Variants in ARHGEF15 observed in about 807,000 individuals in gnomAD.
ARHGEF15 encodes the protein Rho guanine nucleotide exchange factor 15.
ARHGEF15 carries 58 observed loss-of-function variants against 79.7 expected under a neutral mutation model. The observed-to-expected ratio is 0.73, with a 90% CI of 0.59 to 0.91. The LOEUF (loss-of-function observed/expected upper bound fraction) is 0.91, where lower values mean the gene tolerates loss of function less well. Ranked by LOEUF, ARHGEF15 falls within the 40% of genes least tolerant of loss-of-function variation. ARHGEF15 has a pLI of 0.00. For missense variants in ARHGEF15, 1,012 were observed against 1,108.1 expected, an observed-to-expected ratio of 0.91 and a Z score of 1.23; for synonymous variants, 442 against 456.0, an observed-to-expected ratio of 0.97 and a Z score of 0.39.
At position 8,320,932 on chromosome 17, in the gene ARHGEF15, A is replaced by G. The variant is rs1489946639; in HGVS notation, c.2465A>G (p.Asn822Ser). Residue 822 changes from asparagine (N) to serine (S), a missense_variant, in exon 16 of 16, where the codon AAC becomes AGC. This residue lies in a region of ARHGEF15 where 132 missense variants were observed against 124.2 expected (regional missense o/e 1.06). Transcript: ENST00000361926. ...EHERRRHLRQ[N>S]QRLLEAVGSS... is the part of the protein sequence containing the mutation. ...GAAAGGAGGAGGCACCTTCGCCAGA[A>G]CCAGAGGCTTCTCGAGGCTGTTGGA... The G allele has an allele frequency of 6.2e-7, 1 of 1,613,874 alleles. No homozygotes were observed. The highest frequency in any genetic ancestry group is 8.5e-7 in the Non-Finnish European group (1 of 1,179,898).
At position 8,315,330 on chromosome 17, in the gene ARHGEF15, G is replaced by A. The variant is rs1904940982; in HGVS notation, c.1260+53G>A. 1.2e-6 allele frequency: 2 copies of A among 1,610,992 alleles called. No individual in the cohort carries two copies. Among genetic ancestry groups the A allele is most frequent in the African/African-American group, 1.3e-5 (1 of 74,854 alleles). Reference sequence around the variant, plus strand: ...GGGGGTGCTGGGGTTGGGCTGCATGGGTCAGGCATAGGGGAGGAGGGCCCA... The same window carrying A: ...GGGGGTGCTGGGGTTGGGCTGCATGAGTCAGGCATAGGGGAGGAGGGCCCA... On this transcript the variant is annotated intron_variant, in intron 6 of 15. Transcript: ENST00000361926. This position sits in a 1 kb window ranked among gnomAD's most constrained non-coding sequence, Gnocchi z 4.3.
In ARHGEF15 at chr17:8,316,661, G is replaced by A. The variant is rs1905044598; in HGVS notation, c.1704+513G>A. On this transcript the variant is annotated intron_variant, in intron 9 of 15. Coordinates refer to ENST00000361926, the MANE Select transcript of ARHGEF15 (RefSeq NM_173728.4). ...GCATAAACAGAGTTCCAGTAGATCT[G>A]TAGAATTAAACTTTCATGGTGAGGG... 2.0e-5 allele frequency among the ~76,000 whole-genome samples: 3 copies of A among 152,338 alleles called. No individual in the cohort carries two copies. The South Asian group carries it at 6.2e-4, about 32-fold the overall frequency.
At chr17:8,312,677 A>G in intron 2 of ARHGEF15, 37 bp downstream of exon 2, 1 of 1,610,746 alleles carries the variant, frequency 6.2e-7, no homozygotes, top group Non-Finnish European at 8.5e-7. Flanking sequence ...GGTGACCTCA[A>G]TCCACCCATC....
In ARHGEF15 at chr17:8,315,216, C is replaced by T. The variant is rs2151639101; in HGVS notation, c.1199C>T (p.Pro400Leu). Residue 400 changes from proline (P) to leucine (L), a missense_variant, in exon 6 of 16, where the codon CCG (proline) becomes CTG (leucine). By Grantham distance (98) the Pro-to-Leu change is moderately conservative. Transcript: ENST00000361926. This position sits in a 1 kb window ranked among gnomAD's most constrained non-coding sequence, Gnocchi z 4.3. ...CGCAACACCCTGTGGCAGGAGCTTC[C>T]GGCTGTGCAAGCCAGCGGTCTTCTG... The part of the protein sequence containing the change: ...GPRNTLWQEL[P>L]AVQASGLLDT... The T allele has an allele frequency of 2.5e-6, 4 of 1,613,706 alleles. No homozygotes were observed. Among genetic ancestry groups the T allele is most frequent in the Non-Finnish European group, 3.4e-6 (4 of 1,179,920 alleles).
Position 8,318,182 on chromosome 17 carries a change from T to G in ARHGEF15, c.1705-205T>G. On this transcript the variant is annotated intron_variant, in intron 9 of 15. Coordinates refer to ENST00000361926, the MANE Select transcript of ARHGEF15 (RefSeq NM_173728.4). This position sits in a 1 kb window ranked among gnomAD's most constrained non-coding sequence, Gnocchi z 5.0. ...AAAACAATGCTATTGATATGCTAGG[T>G]GGGTATTAGCCCCATTTTACAGATA... is the stretch of plus-strand genomic sequence containing the variant. 1.7e-6 allele frequency: 1 copy of G among 575,852 alleles called. No homozygotes were observed. The allele number at this position is 575,852 out of a possible 1,614,324, so 35.7% of individuals were successfully genotyped here.
At position 8,314,917 on chromosome 17, in the gene ARHGEF15, G is replaced by A; in HGVS notation, c.1001G>A (p.Gly334Glu). ...TTCTTTCTCCACAGGGAAGAGGAGG[G>A]GCTAGAGGTGCTGAAGGAGCAGAAT... ...PATVEGREEE[G>E]LEVLKEQNWE... Residue 334 changes from glycine to glutamate, a missense_variant, in exon 5 of 16, where the codon GGG becomes GAG. Transcript: ENST00000361926. 1 of 1,614,008 alleles carries A rather than the reference G, an allele frequency of 6.2e-7. No individual in the cohort carries two copies. Among genetic ancestry groups the A allele is most frequent in the South Asian group, 1.1e-5 (1 of 91,060 alleles).
In ARHGEF15 at chr17:8,316,085, C is replaced by G. The variant is rs1012657671; in HGVS notation, c.1641C>G (p.Leu547=). Residue 547 remains leucine, a synonymous_variant, in exon 9 of 16, where the codon CTC becomes CTG. Transcript: ENST00000361926. ...AGAGCCTCCCTAAGTGTGAGCGGCT[C>G]CCGCTGCCGTCCTTCCTGCTACTGC... ...RLQSLPKCER[L]PLPSFLLLPF... is the part of the protein sequence containing the mutation. The G allele has an allele frequency of 2.5e-6, 4 of 1,603,028 alleles. No homozygotes were observed. The African/African-American group carries it at 4.0e-5, about 16-fold the overall frequency.
chr17:8,314,777 TTTGGGGAG>T, intron 4 of ARHGEF15, 121 bp from the exon 5 acceptor site: 1 of 997,570 alleles, frequency 1.0e-6, no homozygotes, highest in South Asian at 2.0e-5. Context: ...TGAGGTTTGA[TTTGGGGAG>T]CCGTCAGGGT....
rs779578965 is a variant in ARHGEF15 at position 8,318,940 on chromosome 17, C to T, written c.2033+30C>T. ...GTCCTAGGGAAGGAAGGAGCCCAGG[C>T]TGGAGTGGGCAGGAGGGGTCCAGCG... On this transcript the variant is annotated intron_variant, in intron 12 of 15. Coordinates refer to ENST00000361926, the MANE Select transcript of ARHGEF15 (RefSeq NM_173728.4). The surrounding 1 kb of genome is among the most constrained non-coding windows in gnomAD (Gnocchi z 5.0). 21 of 1,609,348 alleles carry T rather than the reference C, an allele frequency of 1.3e-5. No individual in the cohort carries two copies. The Admixed American group carries it at 1.7e-4, about 13-fold the overall frequency.
rs1192457980 is a variant in ARHGEF15, at chr17:8,315,179, C to G, written c.1162C>G (p.Pro388Ala). The change falls in exon 6 of 16, where the codon CCC becomes GCC. Residue 388 changes from proline to alanine, a missense_variant. Transcript: ENST00000361926. The surrounding 1 kb of genome is among the most constrained non-coding windows in gnomAD (Gnocchi z 4.3). ...TGGAGATGCACCCACCTTCCCACGACCCCCTGGACCTCGCAACACCCTGTG... is the reference window on the plus strand; with the variant it reads ...TGGAGATGCACCCACCTTCCCACGAGCCCCTGGACCTCGCAACACCCTGTG... ...NAGDAPTFPR[P>A]PGPRNTLWQE... 1.2e-6 allele frequency: 2 copies of G among 1,614,008 alleles called. No homozygotes were observed. Among genetic ancestry groups the G allele is most frequent in the South Asian group, 2.2e-5 (2 of 91,084 alleles).
rs1017920128 is a variant in ARHGEF15 at position 8,321,945 on chromosome 17, C to G, written c.*952C>G. ...TCCTGAGGCCCCTGAAGTCTGCAGACCCTTCTCCTTGCCCCAAACACTGGC... is the reference window on the plus strand; with the variant it reads ...TCCTGAGGCCCCTGAAGTCTGCAGAGCCTTCTCCTTGCCCCAAACACTGGC... On this transcript the variant is annotated 3_prime_UTR_variant, in exon 16 of 16. Transcript: ENST00000361926. The G allele has an allele frequency of 2.6e-5, 4 of 152,736 alleles. No homozygotes were observed. Among genetic ancestry groups the G allele is most frequent in the Non-Finnish European group, 4.4e-5 (3 of 68,156 alleles). 9.5% of individuals were successfully genotyped at this position (152,736 alleles called of 1,614,324 possible).
chr17:8,314,912 G>T lies in ARHGEF15; in HGVS notation c.996G>T (p.Glu332Asp), dbSNP rs1306064623. 6.2e-7 allele frequency: 1 copy of T among 1,614,042 alleles called. No homozygotes were observed. Among genetic ancestry groups the T allele is most frequent in the African/African-American group, 1.3e-5 (1 of 75,038 alleles). The stretch of plus-strand genomic sequence containing the variant: ...TCCCTTTCTTTCTCCACAGGGAAGA[G>T]GAGGGGCTAGAGGTGCTGAAGGAGC... ...TPPATVEGREEEGLEVLKEQN... is the reference protein window; with the variant it reads ...TPPATVEGREDEGLEVLKEQN... The change falls in exon 5 of 16, where the codon GAG becomes GAT. Residue 332 changes from glutamate to aspartate, a missense_variant. By Grantham distance (45) the Glu-to-Asp change is conservative. Around this residue, in one of 3 missense-constraint regions of ARHGEF15, gnomAD observed 818 missense variants for 882.5 expected, o/e 0.93. Coordinates refer to ENST00000361926, the MANE Select transcript of ARHGEF15 (RefSeq NM_173728.4).
At chr17:8,314,755 A>C in intron 4 of ARHGEF15, 151 bp from the exon 5 acceptor site, 1 of 785,338 alleles carries the variant, frequency 1.3e-6, no homozygotes, top group Non-Finnish European at 1.9e-6. Flanking sequence ...AAAAAAAAAA[A>C]AAAAAAAAGC....
In ARHGEF15 at chr17:8,311,163, G is replaced by T. The variant is rs1567672966; in HGVS notation, c.-50+820G>T. On this transcript the variant is annotated intron_variant, in intron 1 of 15. Transcript: ENST00000361926. ...TGCTGACCCCTGAAGGGAGTTTGGG[G>T]GTTCCTCTGCTTCCCAGCCCTGACC... is the stretch of plus-strand genomic sequence containing the variant. Among the ~76,000 whole-genome samples, 3 of 152,048 alleles carry T rather than the reference G, an allele frequency of 2.0e-5. No homozygotes were observed. In the South Asian group the frequency reaches 6.2e-4, roughly 31 times the overall value.
At chr17:8,316,748 A>G (rs1037541291) in intron 9 of ARHGEF15, among the ~76,000 whole-genome samples, 11 of 152,234 alleles carry the variant, frequency 7.2e-5, no homozygotes, top group Middle Eastern at 6.8e-3. Context: ...GGGAAAAAAA[A>G]GTTTGAGATT....
chr17:8,313,418 C>T (rs1597461832), intron 3 of ARHGEF15, 83 bp from the exon 4 acceptor site: 13 of 1,541,448 alleles, frequency 8.4e-6, no homozygotes, highest in East Asian at 4.5e-5. Context: ...TTATAGTAAC[C>T]ATCCCTGCTG....
Position 8,318,344 on chromosome 17 carries a change from C to A in ARHGEF15, c.1705-43C>A. 1 of 1,585,424 alleles carries A rather than the reference C, an allele frequency of 6.3e-7. No homozygotes were observed. The highest frequency in any genetic ancestry group is 8.6e-7 in the Non-Finnish European group (1 of 1,161,284). ...GCTGTGGCCCCTCTGAATCCCAGGG[C>A]CACAGAGCAGGGGGCCCAGTCACCC... On this transcript the variant is annotated intron_variant, in intron 9 of 15. Transcript: ENST00000361926. This position sits in a 1 kb window ranked among gnomAD's most constrained non-coding sequence, Gnocchi z 5.0.
chr17:8,319,719 T>C, intron 15 of ARHGEF15, 116 bp downstream of exon 15: 1 of 778,262 alleles, frequency 1.3e-6, no homozygotes, highest in Admixed American at 3.8e-5. Flanking sequence ...CACTGCAACC[T>C]CTGCCTCCTG....
At position 8,312,422 on chromosome 17, in the gene ARHGEF15, G is replaced by C. The variant is rs1337811894; in HGVS notation, c.383G>C (p.Cys128Ser). ...CCACCCAAGCCGTCTGGGTCACCCTGCACGCCTCTGCTCCCCATGGCTGGA... is the reference window on the plus strand; with the variant it reads ...CCACCCAAGCCGTCTGGGTCACCCTCCACGCCTCTGCTCCCCATGGCTGGA... The part of the protein sequence containing the change: ...VPPPKPSGSP[C>S]TPLLPMAGVL... The change falls in exon 2 of 16, where the codon TGC becomes TCC. Residue 128 changes from cysteine to serine, a missense_variant. Cys to Ser is a moderately radical substitution (Grantham distance 112). This residue lies in a region of ARHGEF15 where 818 missense variants were observed against 882.5 expected (regional missense o/e 0.93). Coordinates refer to ENST00000361926, the MANE Select transcript of ARHGEF15 (RefSeq NM_173728.4). 10 of 1,613,588 alleles carry C rather than the reference G, an allele frequency of 6.2e-6. No homozygotes were observed. Among genetic ancestry groups the C allele is most frequent in the African/African-American group, 1.3e-5 (1 of 74,884 alleles).
Sources: gnomAD v4.1 joint callset for allele counts (sites outside exome capture counted in the v4.1 genomes callset) on GRCh38, gnomAD v4.1.1 for gene constraint, gnomAD v4.1.1 regional missense constraint, Gnocchi (gnomAD v3.1) non-coding constraint, MANE v1.5 for transcripts, NCBI Gene and HGNC (gene_info 2026-07-23, HGNC 2026-07-21) for gene names.